The following DZIP3 variants were observed in gnomAD, a reference collection of about 807,000 sequenced individuals.
DZIP3 encodes the protein E3 ubiquitin-protein ligase DZIP3.
A neutral mutation model predicts 162.0 loss-of-function variants in DZIP3; 118 were observed. The observed-to-expected ratio is 0.73, with a 90% confidence interval of 0.63 to 0.85. DZIP3 has a LOEUF of 0.85. Ranked by LOEUF, DZIP3 falls within the 40% of genes least tolerant of loss-of-function variation. The pLI is 0.00. For missense variants in DZIP3, 1,331 were observed against 1,407.0 expected, an observed-to-expected ratio of 0.95 and a Z score of 0.86; for synonymous variants, 438 against 458.6, an observed-to-expected ratio of 0.96 and a Z score of 0.57.
intron 27 of DZIP3, 90 bp from the exon 28 acceptor site, chr3:108,686,355 C>T (rs1944497905): frequency 8.0e-6 from 10 of 1,255,896 alleles, no homozygotes; most frequent in African/African-American, 3.0e-5. Flanking sequence ...TATGCCAGTA[C>T]GCTTCTTCAT....
intron 1 of DZIP3, among the ~76,000 whole-genome samples, chr3:108,594,119 G>A (rs1008283327): frequency 6.6e-6 from 1 of 151,920 alleles, no homozygotes; most frequent in Non-Finnish European, 1.5e-5. Context: ...TAATCTCTTA[G>A]TAGTTTTAAA....
chr3:108,603,707 C>T (rs978045541), intron 1 of DZIP3, among the ~76,000 whole-genome samples: 4 of 152,120 alleles, frequency 2.6e-5, no homozygotes, highest in Non-Finnish European at 5.9e-5. Context: ...TTTAAGATAT[C>T]AGTAGCAAAT....
chr3:108,611,088 T>C, intron 3 of DZIP3, 86 bp from the exon 4 acceptor site: 1 of 1,328,646 alleles, frequency 7.5e-7, no homozygotes. Flanking sequence ...GCTTTGTTCC[T>C]TTTTTAATGC....
At chr3:108,651,855 T>G (rs1260887800) in intron 18 of DZIP3, among the ~76,000 whole-genome samples, 1 of 151,818 alleles carries the variant, frequency 6.6e-6, no homozygotes, top group Non-Finnish European at 1.5e-5. Context: ...GTAGTAACTT[T>G]GGAGAATTCT....
chr3:108,686,240 A>G (rs1944493100), intron 27 of DZIP3, among the ~76,000 whole-genome samples: 1 of 152,260 alleles, frequency 6.6e-6, no homozygotes, highest in Non-Finnish European at 1.5e-5. Context: ...GTATGCCAGT[A>G]TTCTTCTTCA....
At chr3:108,686,282 TAA>T (rs1397575441) in intron 27 of DZIP3, among the ~76,000 whole-genome samples, 161 bp from the exon 28 acceptor site, 2 of 152,212 alleles carry the variant, frequency 1.3e-5, no homozygotes, top group African/African-American at 4.8e-5. Context: ...ATTTTTAAAA[TAA>T]GTTTAAAATA....
intron 22 of DZIP3, among the ~76,000 whole-genome samples, chr3:108,672,041 T>C (rs968965559): frequency 6.6e-6 from 1 of 151,900 alleles, no homozygotes; most frequent in Non-Finnish European, 1.5e-5. Context: ...GAGGATCCTC[T>C]TCCTCATAGA....
chr3:108,667,586 A>G lies in DZIP3; in HGVS notation c.2424-2095A>G, dbSNP rs75822142. Among the ~76,000 whole-genome samples, 1,039 of 152,248 alleles carry G rather than the reference A, an allele frequency of 6.8e-3. 5 individuals carry two copies. The highest frequency in any genetic ancestry group is 0.024 in the African/African-American group (981 of 41,540). Reference sequence around the variant, plus strand: ...CAGTATCTTGACTGTATTACCATCAATATTCTGGTTATGGTATTATACAGT... The same window carrying G: ...CAGTATCTTGACTGTATTACCATCAGTATTCTGGTTATGGTATTATACAGT... On this transcript the variant is annotated intron_variant, in intron 21 of 32. Transcript: ENST00000361582.
chr3:108,677,336 ATT>A (rs34710471), intron 25 of DZIP3, among the ~76,000 whole-genome samples, 159 bp from the exon 26 acceptor site: 2,827 of 143,946 alleles, frequency 0.02, 92 homozygotes, highest in African/African-American at 0.068. Flanking sequence ...GGTCTATAGA[ATT>A]TTTTTTTTTT....
chr3:108,670,628 TG>T (rs1943892706), intron 22 of DZIP3, among the ~76,000 whole-genome samples: 1 of 151,992 alleles, frequency 6.6e-6, no homozygotes, highest in Admixed American at 6.6e-5. Flanking sequence ...TTGTATTTCT[TG>T]GGTATGTACC....
At chr3:108,662,324 C>T (rs2107302808) in intron 21 of DZIP3, 67 bp downstream of exon 21, 2 of 1,504,014 alleles carry the variant, frequency 1.3e-6, no homozygotes, top group East Asian at 2.3e-5. Context: ...AATAGTTAAT[C>T]TCTGCATAAC....
chr3:108,629,178 T>C lies in DZIP3; in HGVS notation c.696+2T>C. 1.3e-6 allele frequency: 2 copies of C among 1,529,946 alleles called. No homozygotes were observed. Among genetic ancestry groups the C allele is most frequent in the South Asian group, 2.4e-5 (2 of 82,170 alleles). The allele number at this position is 1,529,946 out of a possible 1,614,324, so 94.8% of individuals were successfully genotyped here. A position where few individuals can be genotyped will look rare whatever the true frequency, so the allele number is the denominator to read the frequency against. On this transcript the variant is annotated splice_donor_variant, in intron 8 of 32. Coordinates refer to ENST00000361582, the MANE Select transcript of DZIP3 (RefSeq NM_014648.4). LOFTEE classifies it high-confidence loss of function. Reference sequence around the variant, plus strand: ...GAAGATTTACCTACAACTTTTAAAGTAAGAAATTATTTAAGAGTAACATTT... The same window carrying C: ...GAAGATTTACCTACAACTTTTAAAGCAAGAAATTATTTAAGAGTAACATTT...
chr3:108,671,651 G>C lies in DZIP3; in HGVS notation c.2493-909G>C, dbSNP rs554090627. Among the ~76,000 whole-genome samples, 4 of 151,708 alleles carry C rather than the reference G, an allele frequency of 2.6e-5. No homozygotes were observed. The South Asian group carries it at 8.3e-4, about 32-fold the overall frequency. The stretch of plus-strand genomic sequence containing the variant: ...ATGCAGTAACTTCACGTAATGACGG[G>C]GATAATAAAAACCTATGTGGTTGCT... On this transcript the variant is annotated intron_variant, in intron 22 of 32. Transcript: ENST00000361582.
At chr3:108,633,130 C>A in intron 9 of DZIP3, 58 bp downstream of exon 9, 1 of 822,280 alleles carries the variant, frequency 1.2e-6, no homozygotes, top group Non-Finnish European at 1.6e-6. Context: ...TTATATATAA[C>A]TATATAAAAT....
intron 4 of DZIP3, among the ~76,000 whole-genome samples, chr3:108,616,289 T>TAAAG (rs1174636847): frequency 1.4e-5 from 2 of 145,186 alleles, no homozygotes; most frequent in African/African-American, 2.8e-5. Flanking sequence ...AATAAATAAA[T>TAAAG]AAATAAATAA....
chr3:108,638,223 A>C (rs1275719634), intron 12 of DZIP3, among the ~76,000 whole-genome samples: 2 of 152,222 alleles, frequency 1.3e-5, no homozygotes, highest in African/African-American at 4.8e-5. Context: ...TTTTTCAAAA[A>C]TATTTATAAT....
intron 8 of DZIP3, among the ~76,000 whole-genome samples, chr3:108,631,055 A>ACACACATACTCTCTCTCT: frequency 2.2e-4 from 4 of 18,006 alleles, no homozygotes; most frequent in South Asian, 2.3e-3. Flanking sequence ...ACACACACAC[A>ACACACATACTCTCTCTCT]CTCTCTCTCT....
chr3:108,609,107 A>G (rs1249791208), intron 3 of DZIP3, among the ~76,000 whole-genome samples: 1 of 152,104 alleles, frequency 6.6e-6, no homozygotes, highest in African/African-American at 2.4e-5. Context: ...GATGATGCTA[A>G]ACTATTAGAA....
At chr3:108,597,780 T>G (rs1215027477) in intron 1 of DZIP3, among the ~76,000 whole-genome samples, 3 of 151,952 alleles carry the variant, frequency 2.0e-5, no homozygotes, top group South Asian at 2.1e-4. Context: ...TGCTTTTATC[T>G]TATTCTTTTT....
Sources: gnomAD v4.1 joint callset for allele counts (sites outside exome capture counted in the v4.1 genomes callset) on GRCh38, gnomAD v4.1.1 for gene constraint, MANE v1.5 for transcripts, NCBI Gene and HGNC (gene_info 2026-07-23, HGNC 2026-07-21) for gene names.